Variants in KCNH8 observed in about 807,000 individuals in gnomAD.
KCNH8 encodes the protein potassium voltage-gated channel subfamily H member 8.
Under a neutral mutation model 103.6 loss-of-function variants are expected in KCNH8, and 70 were observed. The observed-to-expected ratio is 0.68, with a 90% CI of 0.56 to 0.82. The LOEUF (loss-of-function observed/expected upper bound fraction) is 0.82. KCNH8 is among the 40% of genes least tolerant of loss of function. The pLI is 0.00. For synonymous variants in KCNH8, 498 were observed against 489.4 expected (o/e 1.02, Z -0.23); for missense variants, 1,217 against 1,329.9 (o/e 0.92, Z 1.32).
chr3:19,451,300 C>CG lies in KCNH8; in HGVS notation c.1726dup (p.Glu576GlyfsTer25), dbSNP rs1559333764. 6.2e-7 allele frequency: 1 copy of CG among 1,613,864 alleles called. No homozygotes were observed. Among genetic ancestry groups the CG allele is most frequent in the Non-Finnish European group, 8.5e-7 (1 of 1,179,876 alleles). On this transcript the variant is annotated frameshift_variant, in exon 10 of 16. Transcript: ENST00000328405. LOFTEE classifies it high-confidence loss of function. ...CACATCAAAACCTCTTTCTGTGCTC[C>CG]GGGGGAGTATCTGCTGCGTCAAGGG...
Position 19,500,981 on chromosome 3 carries a change from T to A in KCNH8, c.2041-9382T>A, listed in dbSNP as rs559493933. Among the ~76,000 whole-genome samples the A allele has an allele frequency of 3.3e-4, 50 of 152,020 alleles. No individual in the cohort carries two copies. In the East Asian group the frequency reaches 9.1e-3, roughly 28 times the overall value. On this transcript the variant is annotated intron_variant, in intron 11 of 15. Transcript: ENST00000328405. Reference sequence around the variant, plus strand: ...AAAAACCCTTCAAAAATTTAACAAATCCAGGAGCTGGTTTTTTGAAAGGAT... The same window carrying A: ...AAAAACCCTTCAAAAATTTAACAAAACCAGGAGCTGGTTTTTTGAAAGGAT...
rs145946251 is a variant in KCNH8, at chr3:19,227,775, G to A, written c.77-25879G>A. On this transcript the variant is annotated intron_variant, in intron 1 of 15. Transcript: ENST00000328405. The stretch of plus-strand genomic sequence containing the variant: ...ATAGATAATGTTGTAGGCCCAGTGA[G>A]CGGCAACAAGGGTCAAAGTCGGTGG... Among the ~76,000 whole-genome samples the A allele has an allele frequency of 1.5e-3, 232 of 152,288 alleles. 3 individuals carry two copies. Among genetic ancestry groups the A allele is most frequent in the South Asian group, 0.011 (53 of 4,816 alleles).
intron 11 of KCNH8, among the ~76,000 whole-genome samples, chr3:19,497,549 T>C (rs1204121318): frequency 2.6e-5 from 4 of 152,184 alleles, no homozygotes; most frequent in African/African-American, 7.2e-5. Flanking sequence ...ACTGTATGGT[T>C]TTGAGAGATT....
intron 13 of KCNH8, 92 bp downstream of exon 13, chr3:19,513,417 T>A: frequency 6.9e-7 from 1 of 1,456,530 alleles, no homozygotes. Context: ...GCCTTTCTAC[T>A]CCACAGATTC....
intron 3 of KCNH8, among the ~76,000 whole-genome samples, chr3:19,295,780 C>G (rs1361173755): frequency 6.6e-6 from 1 of 151,956 alleles, no homozygotes; most frequent in Non-Finnish European, 1.5e-5. Context: ...TATGGGGTTA[C>G]TGAGGTAGTG....
chr3:19,182,899 C>A (rs1390399765), intron 1 of KCNH8, among the ~76,000 whole-genome samples: 13 of 152,128 alleles, frequency 8.5e-5, no homozygotes, highest in Admixed American at 8.5e-4. Flanking sequence ...TTTTAAGCCA[C>A]AACAGTTTTG....
intron 1 of KCNH8, among the ~76,000 whole-genome samples, chr3:19,179,380 G>C (rs1377042763): frequency 6.6e-6 from 1 of 152,096 alleles, no homozygotes; most frequent in Non-Finnish European, 1.5e-5. Flanking sequence ...GGGCCTCACT[G>C]TCAACATTAA....
At chr3:19,210,901 C>G (rs1314588855) in intron 1 of KCNH8, among the ~76,000 whole-genome samples, 1 of 152,130 alleles carries the variant, frequency 6.6e-6, no homozygotes, top group East Asian at 1.9e-4. Flanking sequence ...TGACAGCTTC[C>G]TTCTTCACAT....
At chr3:19,273,224 C>G (rs2064615751) in intron 2 of KCNH8, among the ~76,000 whole-genome samples, 1 of 152,164 alleles carries the variant, frequency 6.6e-6, no homozygotes, top group South Asian at 2.1e-4. Flanking sequence ...TAACTTAATC[C>G]TCAAATTCTC....
chr3:19,339,538 T>C (rs966863762), intron 3 of KCNH8, among the ~76,000 whole-genome samples: 5 of 152,120 alleles, frequency 3.3e-5, no homozygotes, highest in Admixed American at 1.3e-4. Context: ...GAAGATATGA[T>C]CTTAACTTTT....
At chr3:19,502,881 T>A (rs1437468329) in intron 11 of KCNH8, among the ~76,000 whole-genome samples, 5 of 151,504 alleles carry the variant, frequency 3.3e-5, no homozygotes, top group Non-Finnish European at 5.9e-5. Context: ...GGACTTCATG[T>A]CTAAAACACC....
At chr3:19,213,423 G>A (rs1405432570) in intron 1 of KCNH8, among the ~76,000 whole-genome samples, 1 of 151,826 alleles carries the variant, frequency 6.6e-6, no homozygotes, top group African/African-American at 2.4e-5. Context: ...TGAACTCGAG[G>A]CCCATGTATA....
At chr3:19,391,056 T>G (rs2066430135) in intron 6 of KCNH8, among the ~76,000 whole-genome samples, 1 of 152,080 alleles carries the variant, frequency 6.6e-6, no homozygotes, top group African/African-American at 2.4e-5. Flanking sequence ...TTTAGTATTT[T>G]GTTATTCATT....
intron 3 of KCNH8, among the ~76,000 whole-genome samples, chr3:19,305,906 A>T (rs1014839146): frequency 6.6e-6 from 1 of 152,058 alleles, no homozygotes; most frequent in East Asian, 1.9e-4. Flanking sequence ...CCAAAGTCTC[A>T]TTTGTTATAT....
chr3:19,362,502 T>A (rs1291914252), intron 5 of KCNH8, among the ~76,000 whole-genome samples: 1 of 152,152 alleles, frequency 6.6e-6, no homozygotes, highest in Non-Finnish European at 1.5e-5. Context: ...ATGGGAAATT[T>A]TATGATTTGC....
chr3:19,534,298 C>A lies in KCNH8; in HGVS notation c.*199C>A. ...CTAGATACTAGAAGCATAATAGAAA[C>A]ATTTTTCTGTACAGGTATTAAACTA... On this transcript the variant is annotated 3_prime_UTR_variant, in exon 16 of 16. Coordinates refer to ENST00000328405, the MANE Select transcript of KCNH8 (RefSeq NM_144633.3). 3.4e-6 allele frequency: 2 copies of A among 587,920 alleles called. No homozygotes were observed. Among genetic ancestry groups the A allele is most frequent in the South Asian group, 4.4e-5 (2 of 45,410 alleles). The allele number at this position is 587,920 out of a possible 1,614,324, so 36.4% of individuals were successfully genotyped here.
At chr3:19,344,139 C>T (rs2065699033) in intron 4 of KCNH8, among the ~76,000 whole-genome samples, 1 of 151,966 alleles carries the variant, frequency 6.6e-6, no homozygotes, top group Non-Finnish European at 1.5e-5. Context: ...ATTTACATCC[C>T]CTTTCAGTTA....
chr3:19,162,114 C>T (rs550081483), intron 1 of KCNH8, among the ~76,000 whole-genome samples: 1 of 152,038 alleles, frequency 6.6e-6, no homozygotes, highest in East Asian at 1.9e-4. Flanking sequence ...AAATATTTAA[C>T]CAAGGTTTGT....
intron 6 of KCNH8, among the ~76,000 whole-genome samples, chr3:19,392,193 C>T (rs1468171712): frequency 2.0e-5 from 3 of 150,294 alleles, no homozygotes; most frequent in South Asian, 2.1e-4. Context: ...AAGTCTAATT[C>T]GCATGTTTGA....
Sources: allele counts gnomAD v4.1 joint callset (sites outside exome capture counted in the v4.1 genomes callset), GRCh38; gene constraint gnomAD v4.1.1; transcripts MANE v1.5; gene names NCBI Gene and HGNC (gene_info 2026-07-23, HGNC 2026-07-21).